Variants in RGS3 observed in about 807,000 individuals in gnomAD.
RGS3 encodes regulator of G protein signaling 3, also known as regulator of G-protein signalling 3.
A neutral mutation model predicts 132.6 loss-of-function variants in RGS3; 80 were observed. The observed-to-expected ratio is 0.60, with a 90% CI of 0.50 to 0.73. The LOEUF (loss-of-function observed/expected upper bound fraction) is 0.73. Ranked by LOEUF, RGS3 falls within the 30% of genes least tolerant of loss-of-function variation. The pLI is 0.00. For missense variants in RGS3, 1,382 were observed against 1,530.8 expected (o/e 0.90, Z 1.62); for synonymous variants, 598 against 620.6 (o/e 0.96, Z 0.54).
chr9:113,473,816 G>C (rs556139878), intron 3 of RGS3, among the ~76,000 whole-genome samples: 1 of 152,208 alleles, frequency 6.6e-6, no homozygotes, highest in Non-Finnish European at 1.5e-5. Flanking sequence ...TGAGTACCTA[G>C]TAAACATCTA....
In RGS3 at chr9:113,506,368, G is replaced by T. The variant is rs569146534; in HGVS notation, c.980-20G>T. 2.6e-6 allele frequency: 4 copies of T among 1,556,448 alleles called. No homozygotes were observed. The East Asian group carries it at 9.3e-5, about 36-fold the overall frequency. Reference sequence around the variant, plus strand: ...CTTAGGCTTCAGGGGCCCCTGAATGGCTTTTCTTTGTCCCTGCAGGGGGTC... The same window carrying T: ...CTTAGGCTTCAGGGGCCCCTGAATGTCTTTTCTTTGTCCCTGCAGGGGGTC... On this transcript the variant is annotated intron_variant, in intron 11 of 24. Transcript: ENST00000350696. The surrounding 1 kb of genome is among the most constrained non-coding windows in gnomAD (Gnocchi z 4.7).
intron 15 of RGS3, among the ~76,000 whole-genome samples, chr9:113,515,249 G>T (rs1294249876): frequency 6.6e-6 from 1 of 152,122 alleles, no homozygotes; most frequent in African/African-American, 2.4e-5. Flanking sequence ...GGAGTTCGAG[G>T]TTACAATGAG....
At position 113,536,565 on chromosome 9, in the gene RGS3, T is replaced by TC. The variant is rs745912602; in HGVS notation, c.1915-226dup. The TC allele has an allele frequency of 3.0e-6, 4 of 1,328,854 alleles. No individual in the cohort carries two copies. The African/African-American group carries it at 4.4e-5, about 15-fold the overall frequency. The allele number at this position is 1,328,854 out of a possible 1,614,324, so 82.3% of individuals were successfully genotyped here. A position where few individuals can be genotyped will look rare whatever the true frequency, so the allele number is the denominator to read the frequency against. ...GTTGGGAGCCACTGCCTTCCTCCCCTCCCCCAACCTGTGGGCCCACAGCTC... is the reference window on the plus strand; with the variant it reads ...GTTGGGAGCCACTGCCTTCCTCCCCTCCCCCCAACCTGTGGGCCCACAGCTC... On this transcript the variant is annotated intron_variant, in intron 18 of 24. Coordinates refer to ENST00000350696, the Ensembl canonical transcript of RGS3.
At chr9:113,445,796 A>G (rs983973858) in intron 1 of RGS3, among the ~76,000 whole-genome samples, 3 of 152,168 alleles carry the variant, frequency 2.0e-5, no homozygotes, top group African/African-American at 7.2e-5. Flanking sequence ...CTTGTGCCTC[A>G]GCCTCCTGAG....
chr9:113,463,287 C>G lies in RGS3; in HGVS notation c.415+1086C>G, dbSNP rs72760097. Among the ~76,000 whole-genome samples, 13,148 of 152,262 alleles carry G rather than the reference C, an allele frequency of 0.086. 657 individuals are homozygous for G. Among genetic ancestry groups the G allele is most frequent in the Non-Finnish European group, 0.097 (6,571 of 68,016 alleles). On this transcript the variant is annotated intron_variant, in intron 3 of 24. Transcript: ENST00000350696. This position sits in a 1 kb window ranked among gnomAD's most constrained non-coding sequence, Gnocchi z 4.6. ...GGGCGACCTGTCCAAGCGCAGAGAA[C>G]ACTTTTCCAAACCTCACTGCCCTGG...
intron 1 of RGS3, among the ~76,000 whole-genome samples, chr9:113,454,561 T>A (rs1333954943): frequency 6.6e-6 from 1 of 151,972 alleles, no homozygotes; most frequent in African/African-American, 2.4e-5. Context: ...TGAGCTGAGA[T>A]CTTGCTACTG....
chr9:113,489,628 A>T (rs1588154120), intron 7 of RGS3, among the ~76,000 whole-genome samples: 1 of 151,458 alleles, frequency 6.6e-6, no homozygotes, highest in African/African-American at 2.4e-5. Context: ...GGCTCTAATG[A>T]CCCTCCAGCC....
chr9:113,562,036 C>A (rs946313648), intron 19 of RGS3, among the ~76,000 whole-genome samples: 1 of 152,212 alleles, frequency 6.6e-6, no homozygotes, highest in Admixed American at 6.5e-5. Flanking sequence ...AACTGATGGG[C>A]TCATCTGTTC....
intron 1 of RGS3, among the ~76,000 whole-genome samples, chr9:113,453,062 A>C (rs1403110936): frequency 2.2e-5 from 3 of 135,000 alleles, no homozygotes; most frequent in African/African-American, 8.2e-5. Context: ...ATATAAGTAT[A>C]CATTATATAT....
chr9:113,556,642 C>A (rs2118784610), intron 19 of RGS3, among the ~76,000 whole-genome samples: 1 of 152,254 alleles, frequency 6.6e-6, no homozygotes, highest in East Asian at 1.9e-4. Flanking sequence ...CCTGTCGGGT[C>A]CCAACCCCAG....
Position 113,566,264 on chromosome 9 carries a change from A to G in RGS3, c.2038-17186A>G, listed in dbSNP as rs1834008098. ...ACGTCCACTGGAAGCACAAGCAAAG[A>G]TGCTTTGCCTCTGACCTCCAACCCC... On this transcript the variant is annotated intron_variant, in intron 19 of 24. Transcript: ENST00000350696. 2.0e-5 allele frequency among the ~76,000 whole-genome samples: 3 copies of G among 152,222 alleles called. No homozygotes were observed. The South Asian group carries it at 6.2e-4, about 32-fold the overall frequency.
At position 113,463,557 on chromosome 9, in the gene RGS3, C is replaced by G. The variant is rs919313781; in HGVS notation, c.415+1356C>G. On this transcript the variant is annotated intron_variant, in intron 3 of 24. Coordinates refer to ENST00000350696, the Ensembl canonical transcript of RGS3. This position sits in a 1 kb window ranked among gnomAD's most constrained non-coding sequence, Gnocchi z 4.6. Reference sequence around the variant, plus strand: ...TGCTGGCTCCTTGGGTGGCTGCCGTCGCTGCTCAGCGCGGGTCGGCGGCGC... The same window carrying G: ...TGCTGGCTCCTTGGGTGGCTGCCGTGGCTGCTCAGCGCGGGTCGGCGGCGC... The G allele has an allele frequency of 3.1e-6, 1 of 325,912 alleles. No homozygotes were observed. The highest frequency in any genetic ancestry group is 6.5e-5 in the Admixed American group (1 of 15,448). The allele number at this position is 325,912 out of a possible 1,614,324, so 20.2% of individuals were successfully genotyped here.
intron 3 of RGS3, among the ~76,000 whole-genome samples, chr9:113,469,865 T>A (rs916078535): frequency 6.6e-6 from 1 of 152,052 alleles, no homozygotes; most frequent in African/African-American, 2.4e-5. Context: ...TCCTTGAAAT[T>A]AATCAAAATT....
In RGS3 at chr9:113,591,962, G is replaced by A. The variant is rs1835452813; in HGVS notation, c.3080+565G>A. 1 of 154,824 alleles carries A rather than the reference G, an allele frequency of 6.5e-6. No homozygotes were observed. The highest frequency in any genetic ancestry group is 2.4e-5 in the African/African-American group (1 of 41,482). The allele number at this position is 154,824 out of a possible 1,614,324, so 9.6% of individuals were successfully genotyped here. A position where few individuals can be genotyped will look rare whatever the true frequency, so the allele number is the denominator to read the frequency against. Reference sequence around the variant, plus strand: ...AAAAGATGTGTGTGTGGGTTCTCAGGTCTTCTTCTACCCCCAGGCCTAAGA... The same window carrying A: ...AAAAGATGTGTGTGTGGGTTCTCAGATCTTCTTCTACCCCCAGGCCTAAGA... On this transcript the variant is annotated intron_variant, in intron 21 of 24. Transcript: ENST00000350696. This position sits in a 1 kb window ranked among gnomAD's most constrained non-coding sequence, Gnocchi z 4.4.
At chr9:113,478,137 A>C (rs547156711) in intron 3 of RGS3, among the ~76,000 whole-genome samples, 11 of 151,656 alleles carry the variant, frequency 7.3e-5, no homozygotes, top group Non-Finnish European at 1.5e-4. Flanking sequence ...CAGGGGATAA[A>C]CCTCACCCGG....
chr9:113,527,616 G>C (rs1832271344), intron 17 of RGS3, among the ~76,000 whole-genome samples: 1 of 152,180 alleles, frequency 6.6e-6, no homozygotes, highest in African/African-American at 2.4e-5. Flanking sequence ...ACATAAGGGA[G>C]ATTTTTTAAT....
At chr9:113,587,027 C>G (rs756745366) in intron 20 of RGS3, among the ~76,000 whole-genome samples, 6 of 152,198 alleles carry the variant, frequency 3.9e-5, no homozygotes, top group Non-Finnish European at 7.3e-5. Context: ...CGAAGTACCA[C>G]CAGACCCCAT....
chr9:113,476,400 G>A (rs1023116879), intron 3 of RGS3, among the ~76,000 whole-genome samples: 1 of 152,186 alleles, frequency 6.6e-6, no homozygotes, highest in African/African-American at 2.4e-5. Flanking sequence ...GGGCCTGTGT[G>A]TCAGACATTT....
chr9:113,545,887 G>C (rs574161285), intron 19 of RGS3, among the ~76,000 whole-genome samples: 12 of 152,282 alleles, frequency 7.9e-5, no homozygotes, highest in Middle Eastern at 3.4e-3. Flanking sequence ...GTTAAGAAAC[G>C]TGCCCAAGGT....
Sources: allele counts gnomAD v4.1 joint callset (sites outside exome capture counted in the v4.1 genomes callset), GRCh38; gene constraint gnomAD v4.1.1; non-coding constraint Gnocchi (gnomAD v3.1); transcripts MANE v1.5; gene names NCBI Gene and HGNC (gene_info 2026-07-23, HGNC 2026-07-21).